Variants in RADX observed in about 807,000 individuals in gnomAD.
The protein encoded by RADX is RPA-related protein RADX.
In RADX, 36 loss-of-function variants were observed where a neutral mutation model predicts 61.6. The observed-to-expected ratio is 0.58, with a 90% CI of 0.45 to 0.77. The LOEUF is 0.77. Among genes scored for constraint, RADX ranks in the 30% least tolerant of loss-of-function variants. RADX has a pLI of 0.00. For missense variants in RADX, 497 were observed against 651.1 expected (o/e 0.76, Z 2.58); for synonymous variants, 272 against 237.9 (o/e 1.14, Z -1.32).
At chrX:106,630,304 G>A (rs1207963033) in intron 3 of RADX, among the ~76,000 whole-genome samples, 8 of 104,749 alleles carry the variant, frequency 7.6e-5, no homozygotes, top group Admixed American at 4.3e-4. Flanking sequence ...CAGCCTGAGC[G>A]ACAGAGCAAT....
At chrX:106,615,997 G>A (rs779869460) in intron 1 of RADX, among the ~76,000 whole-genome samples, 16 of 111,039 alleles carry the variant, frequency 1.4e-4, no homozygotes, top group African/African-American at 3.9e-4. Flanking sequence ...AAGCTTGCCC[G>A]TCTTTCTGTA....
At position 106,612,543 on chromosome X, in the gene RADX, T is replaced by A; in HGVS notation, c.463T>A (p.Cys155Ser). ...GATCCTGTGCATAGATAACGTCCAC[T>A]GTGGGGAGACTTCAGACAGTATTTC... ...QGILCIDNVH[C>S]GETSDSISLE... The change falls in exon 1 of 14, where the codon TGT becomes AGT. Residue 155 changes from cysteine (C) to serine (S), a missense_variant. Cys to Ser is a moderately radical substitution (Grantham distance 112). Around this residue, in one of 3 missense-constraint regions of RADX, gnomAD observed 196 missense variants for 315.0 expected, o/e 0.62. Coordinates refer to ENST00000372548, the MANE Select transcript of RADX (RefSeq NM_018015.6). 2 of 1,211,643 alleles carry A rather than the reference T, an allele frequency of 1.7e-6. No individual in the cohort carries two copies. Among genetic ancestry groups the A allele is most frequent in the Non-Finnish European group, 2.2e-6 (2 of 895,388 alleles).
chrX:106,640,793 C>T, intron 10 of RADX, 72 bp downstream of exon 10: 1 of 732,975 alleles, frequency 1.4e-6, no homozygotes, highest in Non-Finnish European at 1.9e-6. Context: ...GTAAAATAAG[C>T]AATTATCGTA....
chrX:106,612,368 TGTGACGA>T lies in RADX; in HGVS notation c.289_295del (p.Val97SerfsTer16). 8.3e-7 allele frequency: 1 copy of T among 1,211,771 alleles called. No individual in the cohort carries two copies. ...CCAAGCCTCCCCTTTATTGCTATGATGTGACGATCTCAGATGGGGTGTACCAGGAGAA... is the reference window on the plus strand; with the variant it reads ...CCAAGCCTCCCCTTTATTGCTATGATTCTCAGATGGGGTGTACCAGGAGAA... On this transcript the variant is annotated frameshift_variant, in exon 1 of 14. Transcript: ENST00000372548. LOFTEE classifies it high-confidence loss of function.
At chrX:106,671,216 G>T (rs1163764364) in intron 13 of RADX, among the ~76,000 whole-genome samples, 1 of 111,724 alleles carries the variant, frequency 9.0e-6, no homozygotes, top group Non-Finnish European at 1.9e-5. Flanking sequence ...TAAACATATG[G>T]TTCTATATCC....
Position 106,679,042 on chromosome X carries a change from C to A in RADX, c.*784C>A, listed in dbSNP as rs913131109. The A allele has an allele frequency of 4.5e-5, 5 of 112,053 alleles. No homozygotes were observed. Among genetic ancestry groups the A allele is most frequent in the African/African-American group, 1.6e-4 (5 of 30,729 alleles). 9.2% of individuals were successfully genotyped at this position (112,053 alleles called of 1,213,427 possible). On this transcript the variant is annotated 3_prime_UTR_variant, in exon 14 of 14. Coordinates refer to ENST00000372548, the MANE Select transcript of RADX (RefSeq NM_018015.6). ...CATATTGAAAATGGAAAATAGTAAA[C>A]ACGGGAATTGATTTTATTCTGGTTG...
chrX:106,662,213 C>A lies in RADX; in HGVS notation c.2177C>A (p.Pro726His). 8.3e-7 allele frequency: 1 copy of A among 1,210,282 alleles called. No homozygotes were observed. Among genetic ancestry groups the A allele is most frequent in the Non-Finnish European group, 1.1e-6 (1 of 894,563 alleles). ...KFLSDQYNSQ[P>H]AKYVPPEGRP... is the part of the protein sequence containing the mutation. ...CTTAGTGACCAGTATAATTCTCAGC[C>A]TGCGAAATATGTACCACCAGAAGGA... Residue 726 changes from proline (P) to histidine (H), a missense_variant, in exon 12 of 14, where the codon CCT becomes CAT. Around this residue, in one of 3 missense-constraint regions of RADX, gnomAD observed 267 missense variants for 306.9 expected, o/e 0.87. Coordinates refer to ENST00000372548, the MANE Select transcript of RADX (RefSeq NM_018015.6).
Position 106,678,540 on chromosome X carries a change from T to C in RADX, c.*282T>C, listed in dbSNP as rs1319862375. On this transcript the variant is annotated 3_prime_UTR_variant, in exon 14 of 14. Transcript: ENST00000372548. The stretch of plus-strand genomic sequence containing the variant: ...TTATCTTGACTTCTGGTAATTTATG[T>C]TCACTATTCCATTTGTGAAGTGTAC... The C allele has an allele frequency of 1.2e-5, 2 of 167,351 alleles. No individual in the cohort carries two copies. Among genetic ancestry groups the C allele is most frequent in the East Asian group, 1.3e-4 (1 of 7,558 alleles). 13.8% of individuals were successfully genotyped at this position (167,351 alleles called of 1,213,427 possible). A position where few individuals can be genotyped will look rare whatever the true frequency, so the allele number is the denominator to read the frequency against.
At chrX:106,650,924 A>G (rs1425316672) in intron 11 of RADX, among the ~76,000 whole-genome samples, 1 of 111,559 alleles carries the variant, frequency 9.0e-6, no homozygotes, top group East Asian at 2.8e-4. Context: ...TAAAGAGTTT[A>G]GAAAGGTAAA....
chrX:106,641,254 A>G (rs901379604), intron 10 of RADX, among the ~76,000 whole-genome samples: 4 of 109,592 alleles, frequency 3.6e-5, no homozygotes, highest in African/African-American at 1.4e-4. Context: ...TGGGGACACA[A>G]TTTAACCCAT....
At position 106,622,747 on chromosome X, in the gene RADX, T is replaced by C; in HGVS notation, c.740T>C (p.Leu247Pro). Residue 247 changes from leucine (L) to proline (P), a missense_variant, in exon 2 of 14, where the codon CTG becomes CCG. Leu to Pro is a moderately conservative substitution (Grantham distance 98, BLOSUM62 -3). Coordinates refer to ENST00000372548, the MANE Select transcript of RADX (RefSeq NM_018015.6). ...GTGAGGATCTTACATAAATCAAAAC[T>C]GCGATACTATGGAAAACCTGATAAA... ...LLVRILHKSKLRYYGKPDKKM... is the reference protein window; with the variant it reads ...LLVRILHKSKPRYYGKPDKKM... The C allele has an allele frequency of 5.8e-6, 7 of 1,198,419 alleles. No individual in the cohort carries two copies. Among genetic ancestry groups the C allele is most frequent in the Non-Finnish European group, 6.7e-6 (6 of 889,044 alleles).
At chrX:106,643,019 AT>A (rs1414583621) in intron 10 of RADX, among the ~76,000 whole-genome samples, 9 of 110,033 alleles carry the variant, frequency 8.2e-5, no homozygotes, top group Non-Finnish European at 1.9e-5. Context: ...ATTTTATCAA[AT>A]TTTTTTTCAG....
At chrX:106,626,355 T>C (rs1927074164) in intron 3 of RADX, among the ~76,000 whole-genome samples, 1 of 112,109 alleles carries the variant, frequency 8.9e-6, no homozygotes, top group African/African-American at 3.2e-5. Context: ...TATATGATTA[T>C]TTATTAAAAT....
chrX:106,652,756 A>G (rs1927826991), intron 11 of RADX, among the ~76,000 whole-genome samples: 1 of 109,161 alleles, frequency 9.2e-6, no homozygotes, highest in African/African-American at 3.3e-5. Flanking sequence ...CGATATCTTA[A>G]AAGAAGCAAA....
chrX:106,621,370 G>T (rs1404657598), intron 1 of RADX, among the ~76,000 whole-genome samples: 1 of 111,451 alleles, frequency 9.0e-6, no homozygotes, highest in South Asian at 3.7e-4. Context: ...TGTTGACTAG[G>T]TAAAAAATTA....
intron 11 of RADX, among the ~76,000 whole-genome samples, chrX:106,660,377 C>T (rs1226831569): frequency 8.9e-6 from 1 of 112,050 alleles, no homozygotes; most frequent in Non-Finnish European, 1.9e-5. Context: ...TCCCTTACAA[C>T]TCAAACTAAT....
intron 1 of RADX, among the ~76,000 whole-genome samples, chrX:106,621,383 T>G (rs1926937891): frequency 8.9e-6 from 1 of 111,816 alleles, no homozygotes; most frequent in South Asian, 3.7e-4. Context: ...AAAAATTATT[T>G]GAACAAAGCT....
chrX:106,664,901 A>G (rs1928191074), intron 12 of RADX, among the ~76,000 whole-genome samples: 1 of 111,083 alleles, frequency 9.0e-6, no homozygotes, highest in Admixed American at 9.6e-5. Context: ...AAAGGTTGAA[A>G]ACTCTATGCT....
At chrX:106,626,642 A>G (rs1028898968) in intron 3 of RADX, among the ~76,000 whole-genome samples, 1 of 112,406 alleles carries the variant, frequency 8.9e-6, no homozygotes, top group African/African-American at 3.2e-5. Context: ...CTTTCAAGTA[A>G]GTAATTGCAG....
Sources: allele counts gnomAD v4.1 joint callset (sites outside exome capture counted in the v4.1 genomes callset), GRCh38; gene constraint gnomAD v4.1.1; regional missense constraint gnomAD v4.1.1; transcripts MANE v1.5; gene names NCBI Gene and HGNC (gene_info 2026-07-23, HGNC 2026-07-21).